Variants in ZNF608 observed in about 807,000 individuals in gnomAD.
ZNF608 encodes the protein zinc finger protein 608.
A neutral mutation model predicts 109.0 loss-of-function variants in ZNF608; 12 were observed. That is an observed-to-expected ratio of 0.11 (90% confidence interval 0.07 to 0.18). The LOEUF (loss-of-function observed/expected upper bound fraction) is 0.18, where lower values mean the gene tolerates loss of function less well. Among genes scored for constraint, ZNF608 ranks in the 10% least tolerant of loss-of-function variants. ZNF608 has a pLI of 1.00. For missense variants in ZNF608, 1,707 were observed against 1,879.3 expected (o/e 0.91, Z 1.70); for synonymous variants, 732 against 717.4 (o/e 1.02, Z -0.33).
chr5:124,638,764 T>C, intron 9 of ZNF608: 1 of 916,206 alleles, frequency 1.1e-6, no homozygotes, highest in Non-Finnish European at 1.4e-6. Flanking sequence ...ATTTAAAATA[T>C]CAAAGAACAA....
chr5:124,667,186 C>T (rs78939870), intron 3 of ZNF608, among the ~76,000 whole-genome samples: 27 of 152,274 alleles, frequency 1.8e-4, no homozygotes, highest in Non-Finnish European at 2.8e-4. Context: ...GTATTCACAA[C>T]CCCAGTCATT....
intron 2 of ZNF608, among the ~76,000 whole-genome samples, chr5:124,725,292 G>A (rs1754095787): frequency 6.6e-6 from 1 of 151,832 alleles, no homozygotes; most frequent in Non-Finnish European, 1.5e-5. Context: ...ATATTTATTT[G>A]TCTGGAATAA....
intron 3 of ZNF608, among the ~76,000 whole-genome samples, chr5:124,650,928 C>A (rs1226357463): frequency 6.6e-6 from 1 of 152,180 alleles, no homozygotes; most frequent in Non-Finnish European, 1.5e-5. Context: ...TCCTTGGGAA[C>A]CTTTTAACAG....
At chr5:124,683,934 G>C (rs889111353) in intron 3 of ZNF608, among the ~76,000 whole-genome samples, 1 of 152,182 alleles carries the variant, frequency 6.6e-6, no homozygotes, top group African/African-American at 2.4e-5. Context: ...ATCAGATAAT[G>C]TCTTTAATGG....
Position 124,639,213 on chromosome 5 carries a change from G to T in ZNF608, c.4452C>A (p.Gly1484=). The change falls in exon 9 of 10, where the codon GGC becomes GGA. Residue 1484 remains glycine, a splice_region_variant and synonymous_variant. Transcript: ENST00000513986. The part of the protein sequence containing the change: ...LIPGQYDPFQ[G]LTSAALVASQ... ...AGGCAACAAGGGCAGCAGAGGTCAA[G>T]CCTAATGGGGAAAAAATGTAGAGTG... 1 of 1,614,128 alleles carries T rather than the reference G, an allele frequency of 6.2e-7. No individual in the cohort carries two copies. The highest frequency in any genetic ancestry group is 8.5e-7 in the Non-Finnish European group (1 of 1,179,946).
intron 3 of ZNF608, among the ~76,000 whole-genome samples, chr5:124,694,124 C>T (rs1256953037): frequency 4.1e-5 from 6 of 145,962 alleles, no homozygotes; most frequent in South Asian, 2.2e-4. Flanking sequence ...TACAGGCGCC[C>T]GCCACCACGC....
chr5:124,659,473 G>A lies in ZNF608; in HGVS notation c.1163-9776C>T, dbSNP rs141352252. On this transcript the variant is annotated intron_variant, in intron 3 of 9. Transcript: ENST00000513986. ...GGAGCAAAGGAAGGAGGAGCAGGCAGGAAGGCAAAGTAATTACCAAGATGA... is the reference window on the plus strand; with the variant it reads ...GGAGCAAAGGAAGGAGGAGCAGGCAAGAAGGCAAAGTAATTACCAAGATGA... Among the ~76,000 whole-genome samples, 22 of 152,274 alleles carry A rather than the reference G, an allele frequency of 1.4e-4. 1 individual carries two copies. The East Asian group carries it at 4.1e-3, about 28-fold the overall frequency.
chr5:124,694,142 ATTTTTTTTTTTTTTTTTT>A (rs11320730), intron 3 of ZNF608, among the ~76,000 whole-genome samples: 1 of 63,932 alleles, frequency 1.6e-5, no homozygotes, highest in Non-Finnish European at 2.8e-5. Context: ...CGCTCGGCTA[ATTTTTTTTTTTTTTTTTT>A]TTTTTTTGTA....
chr5:124,646,653 G>T, intron 5 of ZNF608, 26 bp downstream of exon 5: 1 of 1,596,086 alleles, frequency 6.3e-7, no homozygotes, highest in Non-Finnish European at 8.6e-7. Flanking sequence ...CTCTCTCCCT[G>T]TTGGGGCCAC....
At chr5:124,691,760 G>A (rs1310617428) in intron 3 of ZNF608, among the ~76,000 whole-genome samples, 1 of 152,170 alleles carries the variant, frequency 6.6e-6, no homozygotes, top group Non-Finnish European at 1.5e-5. Context: ...ATCTAAAGTA[G>A]TTGGCCAAGG....
intron 3 of ZNF608, among the ~76,000 whole-genome samples, chr5:124,685,360 T>C (rs1561558785): frequency 6.6e-6 from 1 of 152,168 alleles, no homozygotes; most frequent in African/African-American, 2.4e-5. Context: ...CACTGAACCA[T>C]AGCAAGTTGT....
intron 6 of ZNF608, 40 bp downstream of exon 6, chr5:124,644,204 G>A (rs914413423): frequency 1.3e-6 from 2 of 1,493,184 alleles, no homozygotes; most frequent in East Asian, 2.3e-5. Flanking sequence ...TTTGAACATC[G>A]CCTCTTTCCT....
intron 2 of ZNF608, among the ~76,000 whole-genome samples, chr5:124,726,942 G>A (rs1240021958): frequency 6.6e-6 from 1 of 152,212 alleles, no homozygotes; most frequent in South Asian, 2.1e-4. Flanking sequence ...TGGGATTCCG[G>A]GCTTTGGATC....
intron 3 of ZNF608, among the ~76,000 whole-genome samples, chr5:124,687,618 C>T (rs1752457744): frequency 6.6e-6 from 1 of 152,170 alleles, no homozygotes; most frequent in Non-Finnish European, 1.5e-5. Context: ...TTATGTCAGA[C>T]TTCGCTAGAT....
chr5:124,744,085 T>G lies in ZNF608; in HGVS notation c.905A>C (p.Lys302Thr), dbSNP rs765762404. 1 of 1,581,576 alleles carries G rather than the reference T, an allele frequency of 6.3e-7. No individual in the cohort carries two copies. Among genetic ancestry groups the G allele is most frequent in the Non-Finnish European group, 8.6e-7 (1 of 1,163,574 alleles). Reference sequence around the variant, plus strand: ...TCTAGGAAGGCGACTTTATCCTACCTTCTCAGTTTTCAGTTTCTTGATTCG... The same window carrying G: ...TCTAGGAAGGCGACTTTATCCTACCGTCTCAGTTTTCAGTTTCTTGATTCG... ...HRRIKKLKTE[K>T]VDPLFTVPAP... is the part of the protein sequence containing the mutation. The change falls in exon 2 of 10, where the codon AAG becomes ACG. Residue 302 changes from lysine to threonine, a missense_variant and splice_region_variant. Lys to Thr is a moderately conservative substitution (Grantham distance 78). Around this residue, in one of 7 missense-constraint regions of ZNF608, gnomAD observed 407 missense variants for 398.7 expected, o/e 1.02. Coordinates refer to ENST00000513986, the MANE Select transcript of ZNF608 (RefSeq NM_020747.3). The surrounding 1 kb of genome is among the most constrained non-coding windows in gnomAD (Gnocchi z 4.5).
chr5:124,642,531 A>G (rs1750289941), intron 7 of ZNF608, among the ~76,000 whole-genome samples: 1 of 152,212 alleles, frequency 6.6e-6, no homozygotes, highest in East Asian at 1.9e-4. Flanking sequence ...GAAACCTCAA[A>G]TCTCTCCAGA....
intron 3 of ZNF608, among the ~76,000 whole-genome samples, chr5:124,677,636 T>C (rs1454155054): frequency 6.6e-6 from 1 of 151,972 alleles, no homozygotes; most frequent in African/African-American, 2.4e-5. Context: ...TCAGGTCTGC[T>C]CTCCCATCTG....
intron 3 of ZNF608, among the ~76,000 whole-genome samples, chr5:124,656,177 G>A (rs1750997213): frequency 6.6e-6 from 1 of 152,164 alleles, no homozygotes; most frequent in Admixed American, 6.5e-5. Flanking sequence ...ATAGTGTATG[G>A]CAATGGAGCT....
In ZNF608 at chr5:124,693,974, C is replaced by CTTTT. The variant is rs746610497; in HGVS notation, c.1162+7036_1162+7039dup. Among the ~76,000 whole-genome samples the CTTTT allele has an allele frequency of 3.3e-4, 20 of 60,968 alleles. 3 individuals carry two copies. Among genetic ancestry groups the CTTTT allele is most frequent in the African/African-American group, 9.1e-4 (12 of 13,222 alleles). The allele number at this position is 60,968 out of a possible 152,430, so 40.0% of individuals were successfully genotyped here. ...GTGAAGCTGGTAACATTTCATTAAT[C>CTTTT]TTTTTTTTTTTTTTTTTTTGAGAGA... On this transcript the variant is annotated intron_variant, in intron 3 of 9. Coordinates refer to ENST00000513986, the MANE Select transcript of ZNF608 (RefSeq NM_020747.3).
Sources: allele counts gnomAD v4.1 joint callset (sites outside exome capture counted in the v4.1 genomes callset), GRCh38; gene constraint gnomAD v4.1.1; regional missense constraint gnomAD v4.1.1; non-coding constraint Gnocchi (gnomAD v3.1); transcripts MANE v1.5; gene names NCBI Gene and HGNC (gene_info 2026-07-23, HGNC 2026-07-21).